PTPRN2: variants seen among roughly 807,000 people sequenced by gnomAD.
The protein encoded by PTPRN2 is protein tyrosine phosphatase receptor type N2.
In PTPRN2, 74 loss-of-function variants were observed where a neutral mutation model predicts 118.8. The observed-to-expected ratio is 0.62, with a 90% confidence interval of 0.52 to 0.76. The LOEUF (loss-of-function observed/expected upper bound fraction) is 0.76. Ranked by LOEUF, PTPRN2 falls within the 30% of genes least tolerant of loss-of-function variation. The probability of loss-of-function intolerance (pLI) is 0.00; values close to 1 mark genes in which losing one functional copy is unlikely to be tolerated. For synonymous variants in PTPRN2, 641 were observed against 608.0 expected, an observed-to-expected ratio of 1.05 and a Z score of -0.80; for missense variants, 1,481 against 1,394.4, an observed-to-expected ratio of 1.06 and a Z score of -0.99.
chr7:157,637,890 TAA>T (rs1165185127), intron 14 of PTPRN2, among the ~76,000 whole-genome samples: 2 of 152,238 alleles, frequency 1.3e-5, no homozygotes, highest in African/African-American at 2.4e-5. Context: ...TTAGGAAGAA[TAA>T]AGAGTTCCAG....
In PTPRN2 at chr7:157,629,108, C is replaced by T. The variant is rs1359765377; in HGVS notation, c.2197-7599G>A. On this transcript the variant is annotated intron_variant, in intron 14 of 22. Coordinates refer to ENST00000389418, the MANE Select transcript of PTPRN2 (RefSeq NM_002847.5). The surrounding 1 kb of genome is among the most constrained non-coding windows in gnomAD (Gnocchi z 4.4). ...GCACCAGGAGGAAGTGCAGCTGCCA[C>T]CTCTGAGTACTGGGGTAGTGCATCT... Among the ~76,000 whole-genome samples, 2 of 152,146 alleles carry T rather than the reference C, an allele frequency of 1.3e-5. No individual in the cohort carries two copies. Among genetic ancestry groups the T allele is most frequent in the Admixed American group, 1.3e-4 (2 of 15,282 alleles).
At chr7:158,079,748 C>T (rs765446779) in intron 11 of PTPRN2, among the ~76,000 whole-genome samples, 1 of 152,202 alleles carries the variant, frequency 6.6e-6, no homozygotes, top group Non-Finnish European at 1.5e-5. Context: ...GCTCTGGCAG[C>T]CACGAGGCAC....
intron 6 of PTPRN2, among the ~76,000 whole-genome samples, chr7:158,159,819 A>C (rs980109465): frequency 2.6e-5 from 4 of 152,378 alleles, no homozygotes; most frequent in African/African-American, 9.6e-5. Flanking sequence ...AAAGAAAGCA[A>C]AAGTAAAGAA....
chr7:158,287,432 T>C (rs559258068), intron 3 of PTPRN2, among the ~76,000 whole-genome samples: 1 of 152,184 alleles, frequency 6.6e-6, no homozygotes, highest in Non-Finnish European at 1.5e-5. Flanking sequence ...GGATTCTTTC[T>C]TCTTTTCTGA....
chr7:158,409,427 G>A (rs1056300853), intron 2 of PTPRN2, among the ~76,000 whole-genome samples: 6 of 152,216 alleles, frequency 3.9e-5, no homozygotes, highest in African/African-American at 7.2e-5. Flanking sequence ...AGGCATGAGC[G>A]TGGAGAGGGC....
At chr7:157,824,927 G>A (rs1807075702) in intron 12 of PTPRN2, among the ~76,000 whole-genome samples, 1 of 152,168 alleles carries the variant, frequency 6.6e-6, no homozygotes, top group African/African-American at 2.4e-5. Flanking sequence ...GCGGCACCCA[G>A]GGCCCACATT....
intron 12 of PTPRN2, among the ~76,000 whole-genome samples, chr7:157,810,166 A>G (rs567499553): frequency 6.6e-6 from 1 of 152,366 alleles, no homozygotes; most frequent in East Asian, 1.9e-4. Context: ...AGAACACTGC[A>G]GTTCCACCTT....
At chr7:157,819,578 G>A (rs1361825365) in intron 12 of PTPRN2, among the ~76,000 whole-genome samples, 3 of 148,760 alleles carry the variant, frequency 2.0e-5, no homozygotes, top group Non-Finnish European at 4.5e-5. Context: ...CACACCGAGT[G>A]GCCGCAGCAC....
At chr7:157,714,645 G>C (rs776104267) in intron 12 of PTPRN2, among the ~76,000 whole-genome samples, 2 of 152,198 alleles carry the variant, frequency 1.3e-5, no homozygotes, top group Non-Finnish European at 2.9e-5. Context: ...CTCACTAACA[G>C]AGGTGGCACA....
chr7:158,559,596 C>T (rs544713151), intron 1 of PTPRN2, among the ~76,000 whole-genome samples: 2 of 152,186 alleles, frequency 1.3e-5, no homozygotes, highest in Non-Finnish European at 2.9e-5. Context: ...AGGAGGTGAC[C>T]GCGGGGATAC....
At chr7:157,812,789 C>A (rs1418942281) in intron 12 of PTPRN2, among the ~76,000 whole-genome samples, 1 of 152,148 alleles carries the variant, frequency 6.6e-6, no homozygotes, top group Non-Finnish European at 1.5e-5. Flanking sequence ...GGTAGCTGGG[C>A]TTCACAGAAA....
rs1036115789 is a variant in PTPRN2 at position 157,585,158 on chromosome 7, C to T, written c.2497-7018G>A. ...GATGGAAAGGCTGATGAGGGGGCAGCGGGAGGAACCCCCCTGTGCCGCTAT... is the reference window on the plus strand; with the variant it reads ...GATGGAAAGGCTGATGAGGGGGCAGTGGGAGGAACCCCCCTGTGCCGCTAT... On this transcript the variant is annotated intron_variant, in intron 17 of 22. Transcript: ENST00000389418. This position sits in a 1 kb window ranked among gnomAD's most constrained non-coding sequence, Gnocchi z 5.2. Among the ~76,000 whole-genome samples the T allele has an allele frequency of 7.2e-5, 11 of 152,030 alleles. No individual in the cohort carries two copies. The highest frequency in any genetic ancestry group is 8.8e-5 in the Non-Finnish European group (6 of 68,034).
At position 158,183,093 on chromosome 7, in the gene PTPRN2, T is replaced by C. The variant is rs189690055; in HGVS notation, c.549+9234A>G. ...TTGTTGCTTTAAAGTCTGTTTTATC[T>C]GATATTAGAATGCTCCTGCTCACTT... On this transcript the variant is annotated intron_variant, in intron 5 of 22. Coordinates refer to ENST00000389418, the MANE Select transcript of PTPRN2 (RefSeq NM_002847.5). Among the ~76,000 whole-genome samples the C allele has an allele frequency of 9.0e-4, 137 of 152,350 alleles. 1 individual carries two copies. In the Middle Eastern group the frequency reaches 0.031, roughly 34 times the overall value.
chr7:158,087,384 C>T lies in PTPRN2; in HGVS notation c.1644-6007G>A, dbSNP rs546758176. ...ACGTCAGGGTAGATCTTGAAAGTGT[C>T]GTCCCGATGGTCGTGCCAGGCACAT... On this transcript the variant is annotated intron_variant, in intron 10 of 22. Coordinates refer to ENST00000389418, the MANE Select transcript of PTPRN2 (RefSeq NM_002847.5). Among the ~76,000 whole-genome samples, 13 of 152,292 alleles carry T rather than the reference C, an allele frequency of 8.5e-5. No homozygotes were observed. In the East Asian group the frequency reaches 2.1e-3, roughly 25 times the overall value.
At chr7:158,260,925 G>A (rs1001811545) in intron 3 of PTPRN2, among the ~76,000 whole-genome samples, 4 of 152,184 alleles carry the variant, frequency 2.6e-5, no homozygotes, top group African/African-American at 9.6e-5. Flanking sequence ...AGGAGAGACA[G>A]GGGAGGAGAG....
intron 12 of PTPRN2, among the ~76,000 whole-genome samples, chr7:157,693,334 G>A (rs1797610430): frequency 6.6e-6 from 1 of 152,036 alleles, no homozygotes; most frequent in Non-Finnish European, 1.5e-5. Context: ...GAACCCTAGG[G>A]TGGCGACAGA....
intron 2 of PTPRN2, among the ~76,000 whole-genome samples, chr7:158,363,353 G>A (rs944761266): frequency 4.6e-5 from 7 of 152,098 alleles, no homozygotes; most frequent in African/African-American, 1.4e-4. Context: ...TGGGGAGGCC[G>A]CCTCCTCCAG....
At chr7:157,755,188 A>G (rs1801708986) in intron 12 of PTPRN2, among the ~76,000 whole-genome samples, 1 of 152,192 alleles carries the variant, frequency 6.6e-6, no homozygotes, top group Non-Finnish European at 1.5e-5. Context: ...CCCAGACAAT[A>G]TTATAATTTT....
At chr7:157,889,574 G>A (rs1796676202) in intron 12 of PTPRN2, among the ~76,000 whole-genome samples, 1 of 152,198 alleles carries the variant, frequency 6.6e-6, no homozygotes, top group South Asian at 2.1e-4. Context: ...CTGTTTACAT[G>A]TTAAGTCTCC....
Sources: gnomAD v4.1 joint callset for allele counts (sites outside exome capture counted in the v4.1 genomes callset) on GRCh38, gnomAD v4.1.1 for gene constraint, Gnocchi (gnomAD v3.1) non-coding constraint, MANE v1.5 for transcripts, NCBI Gene and HGNC (gene_info 2026-07-23, HGNC 2026-07-21) for gene names.